ZNF292: variants seen among roughly 807,000 people sequenced by gnomAD.
ZNF292 encodes the protein 16 zinc-finger domain protein.
In ZNF292, 26 loss-of-function variants were observed where a neutral mutation model predicts 217.9. That is an observed-to-expected ratio of 0.12 (90% CI 0.09 to 0.17). The LOEUF (loss-of-function observed/expected upper bound fraction) is 0.17. Among genes scored for constraint, ZNF292 ranks in the 10% least tolerant of loss-of-function variants. The pLI is 1.00. For missense variants in ZNF292, 2,904 were observed against 3,175.2 expected (o/e 0.91, Z 2.05); for synonymous variants, 1,257 against 1,124.1 (o/e 1.12, Z -2.37).
At chr6:87,197,171 ACT>A (rs1679224444) in intron 1 of ZNF292, among the ~76,000 whole-genome samples, 1 of 152,178 alleles carries the variant, frequency 6.6e-6, no homozygotes, top group South Asian at 2.1e-4. Context: ...AGAGAAAGGC[ACT>A]CTCAAACTTT....
At chr6:87,192,750 T>C (rs372192727) in intron 1 of ZNF292, among the ~76,000 whole-genome samples, 1 of 152,250 alleles carries the variant, frequency 6.6e-6, no homozygotes, top group African/African-American at 2.4e-5. Context: ...GAGAATCTTA[T>C]AGTAACTGTA....
At position 87,257,106 on chromosome 6, in the gene ZNF292, A is replaced by G. The variant is rs1298069369; in HGVS notation, c.3477A>G (p.Ser1159=). The G allele has an allele frequency of 1.2e-6, 2 of 1,613,724 alleles. No individual in the cohort carries two copies. The highest frequency in any genetic ancestry group is 2.7e-5 in the African/African-American group (2 of 74,916). The part of the protein sequence containing the change: ...NNGKFVYFLP[S]PVNSSNPFFT... ...GAAAGTTTGTTTATTTTTTGCCATCACCGGTGAACAGCTCAAATCCATTTT... is the reference window on the plus strand; with the variant it reads ...GAAAGTTTGTTTATTTTTTGCCATCGCCGGTGAACAGCTCAAATCCATTTT... The change falls in exon 8 of 8, where the codon TCA becomes TCG. Residue 1159 remains serine, a synonymous_variant. Coordinates refer to ENST00000369577, the MANE Select transcript of ZNF292 (RefSeq NM_015021.3).
chr6:87,257,897 C>A lies in ZNF292; in HGVS notation c.4268C>A (p.Ala1423Asp). ...AGTAATGGACAGCCTTCTCTTCTTG[C>A]CAGCATGATTCTCTCCACAAATGCA... ...LQSNGQPSLL[A>D]SMILSTNAVN... The change falls in exon 8 of 8, where the codon GCC becomes GAC. Residue 1423 changes from alanine (A) to aspartate (D), a missense_variant. This residue lies in a region of ZNF292 where 622 missense variants were observed against 573.1 expected (regional missense o/e 1.09). Coordinates refer to ENST00000369577, the MANE Select transcript of ZNF292 (RefSeq NM_015021.3). 6.2e-7 allele frequency: 1 copy of A among 1,613,878 alleles called. No individual in the cohort carries two copies. The highest frequency in any genetic ancestry group is 8.5e-7 in the Non-Finnish European group (1 of 1,179,824).
At chr6:87,159,564 G>A (rs564144643) in intron 1 of ZNF292, among the ~76,000 whole-genome samples, 30 of 148,000 alleles carry the variant, frequency 2.0e-4, no homozygotes, top group African/African-American at 6.5e-4. Flanking sequence ...GTGCAATGGC[G>A]CAATCTGGGC....
chr6:87,257,943 A>G lies in ZNF292; in HGVS notation c.4314A>G (p.Gln1438=), dbSNP rs375219286. The G allele has an allele frequency of 3.5e-5, 57 of 1,613,810 alleles. No homozygotes were observed. Among genetic ancestry groups the G allele is most frequent in the East Asian group, 2.7e-4 (12 of 44,898 alleles). ...ATGCAGTAAATTTGCAGCAGCCACA[A>G]CAATCTACCTTCAATCCAGAAGCAT... ...STNAVNLQQP[Q]QSTFNPEACF... Residue 1438 remains glutamine (Q), a synonymous_variant, in exon 8 of 8, where the codon CAA becomes CAG. Transcript: ENST00000369577.
intron 1 of ZNF292, among the ~76,000 whole-genome samples, chr6:87,189,988 C>A (rs748246611): frequency 6.6e-6 from 1 of 152,122 alleles, no homozygotes; most frequent in Non-Finnish European, 1.5e-5. Flanking sequence ...TTATTTTATA[C>A]CTTGGTTAAT....
At chr6:87,232,138 G>A (rs535277081) in intron 4 of ZNF292, among the ~76,000 whole-genome samples, 1 of 152,180 alleles carries the variant, frequency 6.6e-6, no homozygotes, top group South Asian at 2.1e-4. Context: ...AGGTGAAAAG[G>A]TCTAGACTTC....
At chr6:87,192,702 A>G (rs1442243530) in intron 1 of ZNF292, among the ~76,000 whole-genome samples, 1 of 152,156 alleles carries the variant, frequency 6.6e-6, no homozygotes, top group Non-Finnish European at 1.5e-5. Context: ...GTTGCATTTA[A>G]TTATTAAATA....
chr6:87,194,276 A>C (rs1013838700), intron 1 of ZNF292, among the ~76,000 whole-genome samples: 1 of 152,202 alleles, frequency 6.6e-6, no homozygotes, highest in Non-Finnish European at 1.5e-5. Flanking sequence ...GAATAATTTG[A>C]GTTCACTCTT....
intron 7 of ZNF292, among the ~76,000 whole-genome samples, chr6:87,251,776 A>G (rs879745883): frequency 2.6e-5 from 4 of 152,222 alleles, no homozygotes; most frequent in Non-Finnish European, 5.9e-5. Flanking sequence ...GAAAGGTCAG[A>G]AGGAAAAAAA....
At chr6:87,156,232 C>T (rs1047647852) in intron 1 of ZNF292, among the ~76,000 whole-genome samples, 1 of 152,344 alleles carries the variant, frequency 6.6e-6, no homozygotes, top group Non-Finnish European at 1.5e-5. Context: ...GTCCCGCCCC[C>T]CAGCCCCGGC....
intron 4 of ZNF292, among the ~76,000 whole-genome samples, chr6:87,230,575 T>C (rs2127820917): frequency 6.6e-6 from 1 of 151,624 alleles, no homozygotes; most frequent in East Asian, 1.9e-4. Flanking sequence ...CTACTAAAAG[T>C]ACAAAAAAAT....
rs549618731 is a variant in ZNF292, at chr6:87,168,619, A to C, written c.168+12860A>C. ...CGAGTAACTGGGATTACAGGTGCGC[A>C]CCTCTGTGCCTGGCTAATTTTTCTA... is the stretch of plus-strand genomic sequence containing the variant. On this transcript the variant is annotated intron_variant, in intron 1 of 7. Transcript: ENST00000369577. Among the ~76,000 whole-genome samples, 4 of 151,928 alleles carry C rather than the reference A, an allele frequency of 2.6e-5. No individual in the cohort carries two copies. In the South Asian group the frequency reaches 8.3e-4, roughly 32 times the overall value.
chr6:87,168,666 C>T (rs1419691981), intron 1 of ZNF292, among the ~76,000 whole-genome samples: 3 of 152,136 alleles, frequency 2.0e-5, no homozygotes, highest in African/African-American at 7.2e-5. Flanking sequence ...GACGGAGTTT[C>T]ACCATGTTCG....
intron 1 of ZNF292, among the ~76,000 whole-genome samples, chr6:87,156,517 C>T (rs967624293): frequency 6.6e-6 from 1 of 152,292 alleles, no homozygotes. Flanking sequence ...TTTCCAGAGT[C>T]CGTTTCTCAT....
chr6:87,250,023 T>TA (rs60486090), intron 7 of ZNF292, among the ~76,000 whole-genome samples: 2,718 of 98,950 alleles, frequency 0.027, 140 homozygotes, highest in African/African-American at 0.093. Context: ...TGGTAACCCT[T>TA]AAAAAAAAAA....
chr6:87,260,437 C>G lies in ZNF292; in HGVS notation c.6808C>G (p.Arg2270Gly). ...CEGCDRIYAT[R>G]SNLLRHIFNK... ...AGGCTGTGACCGTATATATGCAACC[C>G]GGTCGAATCTCCTCCGACACATTTT... The change falls in exon 8 of 8, where the codon CGG becomes GGG. Residue 2270 changes from arginine (R) to glycine (G), a missense_variant. Arg to Gly is a moderately radical substitution (Grantham distance 125). Around this residue, in one of 15 missense-constraint regions of ZNF292, gnomAD observed 55 missense variants for 99.8 expected, o/e 0.55. Coordinates refer to ENST00000369577, the MANE Select transcript of ZNF292 (RefSeq NM_015021.3). The G allele has an allele frequency of 6.2e-7, 1 of 1,613,572 alleles. No individual in the cohort carries two copies. Among genetic ancestry groups the G allele is most frequent in the Non-Finnish European group, 8.5e-7 (1 of 1,179,694 alleles).
intron 1 of ZNF292, among the ~76,000 whole-genome samples, chr6:87,156,218 A>G (rs1055220845): frequency 1.3e-5 from 2 of 151,660 alleles, no homozygotes; most frequent in Admixed American, 1.3e-4. Context: ...CCCTGCTTTC[A>G]TCCGTCCCGC....
intron 1 of ZNF292, among the ~76,000 whole-genome samples, chr6:87,211,654 A>G (rs990466349): frequency 6.6e-6 from 1 of 152,204 alleles, no homozygotes; most frequent in Non-Finnish European, 1.5e-5. Context: ...AGCACATGGT[A>G]AATATTCAGT....
Sources: gnomAD v4.1 joint callset for allele counts (sites outside exome capture counted in the v4.1 genomes callset) on GRCh38, gnomAD v4.1.1 for gene constraint, gnomAD v4.1.1 regional missense constraint, MANE v1.5 for transcripts, NCBI Gene and HGNC (gene_info 2026-07-23, HGNC 2026-07-21) for gene names.